The following CMTM8 variants were observed in gnomAD, a reference collection of about 807,000 sequenced individuals.
CMTM8 encodes CKLF-like MARVEL transmembrane domain-containing protein 8.
A neutral mutation model predicts 18.6 loss-of-function variants in CMTM8; 12 were observed. The observed-to-expected ratio is 0.65, with a 90% CI of 0.41 to 1.05. The LOEUF (loss-of-function observed/expected upper bound fraction) is 1.05, where lower values mean the gene tolerates loss of function less well. CMTM8 is among the 50% of genes least tolerant of loss of function. The probability of loss-of-function intolerance (pLI) is 0.00; values close to 1 mark genes in which losing one functional copy is unlikely to be tolerated. For synonymous variants in CMTM8, 87 were observed against 90.6 expected, an observed-to-expected ratio of 0.96 and a Z score of 0.23; for missense variants, 217 against 227.2, an observed-to-expected ratio of 0.95 and a Z score of 0.29.
intron 1 of CMTM8, among the ~76,000 whole-genome samples, chr3:32,296,529 C>G (rs1321005087): frequency 6.6e-6 from 1 of 152,148 alleles, no homozygotes; most frequent in Non-Finnish European, 1.5e-5. Context: ...ATCTTGTTTC[C>G]CTTTGCCACT....
At chr3:32,350,252 C>T (rs1696678825) in intron 1 of CMTM8, among the ~76,000 whole-genome samples, 1 of 151,826 alleles carries the variant, frequency 6.6e-6, no homozygotes, top group African/African-American at 2.4e-5. Flanking sequence ...TCTTTTTAGA[C>T]TTTGCAGTGA....
chr3:32,272,656 T>C (rs1702455627), intron 1 of CMTM8, among the ~76,000 whole-genome samples: 1 of 152,234 alleles, frequency 6.6e-6, no homozygotes, highest in Admixed American at 6.5e-5. Context: ...CTGTGTTCTT[T>C]ATGGCCTACA....
intron 1 of CMTM8, among the ~76,000 whole-genome samples, chr3:32,286,229 A>T (rs147341990): frequency 2.0e-5 from 3 of 152,358 alleles, no homozygotes; most frequent in African/African-American, 7.2e-5. Context: ...TGCATTTAAA[A>T]ATGCAACTTA....
chr3:32,345,049 A>G (rs934626140), intron 1 of CMTM8, among the ~76,000 whole-genome samples: 13 of 152,178 alleles, frequency 8.5e-5, no homozygotes, highest in Non-Finnish European at 1.8e-4. Flanking sequence ...AATTAAAAAA[A>G]TTTCTTCAGG....
At chr3:32,317,843 C>A (rs913230291) in intron 1 of CMTM8, among the ~76,000 whole-genome samples, 1 of 152,072 alleles carries the variant, frequency 6.6e-6, no homozygotes, top group African/African-American at 2.4e-5. Context: ...ATCATGAGGT[C>A]AGGAGTTCAA....
intron 1 of CMTM8, among the ~76,000 whole-genome samples, chr3:32,282,083 C>T (rs138752342): frequency 8.5e-5 from 13 of 152,206 alleles, no homozygotes; most frequent in Non-Finnish European, 1.6e-4. Context: ...CCCCTGGATC[C>T]CAGATTTGTA....
At chr3:32,310,873 GCTTTT>G (rs1379909660) in intron 1 of CMTM8, among the ~76,000 whole-genome samples, 2 of 152,146 alleles carry the variant, frequency 1.3e-5, no homozygotes, top group African/African-American at 4.8e-5. Context: ...TATAATTTTT[GCTTTT>G]CTTTCTGGAC....
chr3:32,294,005 G>C (rs1702829072), intron 1 of CMTM8, among the ~76,000 whole-genome samples: 1 of 152,140 alleles, frequency 6.6e-6, no homozygotes, highest in Non-Finnish European at 1.5e-5. Context: ...ATCTCATTTT[G>C]GTGGCCACCT....
intron 1 of CMTM8, among the ~76,000 whole-genome samples, chr3:32,261,353 T>G (rs1332617829): frequency 1.3e-5 from 2 of 152,116 alleles, no homozygotes; most frequent in Admixed American, 1.3e-4. Context: ...TTTAAACAAA[T>G]GATCAATTAT....
intron 1 of CMTM8, among the ~76,000 whole-genome samples, chr3:32,280,846 C>G (rs1487982823): frequency 1.5e-5 from 1 of 68,172 alleles, no homozygotes; most frequent in Non-Finnish European, 2.6e-5. Flanking sequence ...AGAAAATAGG[C>G]AAAAAAAAAA....
intron 1 of CMTM8, among the ~76,000 whole-genome samples, chr3:32,278,274 C>T (rs1000431110): frequency 6.6e-6 from 1 of 152,168 alleles, no homozygotes; most frequent in Non-Finnish European, 1.5e-5. Flanking sequence ...GAAATGTGGT[C>T]CTCATCTACG....
At chr3:32,259,320 A>G (rs1257022608) in intron 1 of CMTM8, 1 of 719,462 alleles carries the variant, frequency 1.4e-6, no homozygotes, top group South Asian at 1.4e-5. Flanking sequence ...AGACTGGGCC[A>G]TTACTTCAAG....
intron 1 of CMTM8, chr3:32,259,337 A>G (rs1179981938): frequency 2.7e-6 from 2 of 741,882 alleles, no homozygotes; most frequent in Non-Finnish European, 5.0e-6. Flanking sequence ...CAAGACCATC[A>G]AAGACCTGAG....
At position 32,338,277 on chromosome 3, in the gene CMTM8, C is replaced by T. The variant is rs188404759; in HGVS notation, c.148-19096C>T. On this transcript the variant is annotated intron_variant, in intron 1 of 3. Coordinates refer to ENST00000307526, the MANE Select transcript of CMTM8 (RefSeq NM_178868.5). ...GATTACAGGTGTAAGCCACCGTGCC[C>T]GGCCTGGCCTTTTACAGTAAAAGCA... 7.2e-5 allele frequency among the ~76,000 whole-genome samples: 11 copies of T among 152,188 alleles called. 1 individual carries two copies. Among genetic ancestry groups the T allele is most frequent in the Admixed American group, 7.2e-4 (11 of 15,278 alleles).
At chr3:32,330,015 A>C (rs899028717) in intron 1 of CMTM8, among the ~76,000 whole-genome samples, 3 of 151,966 alleles carry the variant, frequency 2.0e-5, no homozygotes, top group Admixed American at 2.0e-4. Context: ...AAAAAGAATA[A>C]AACACTTAGG....
chr3:32,239,142 T>G (rs1575141291), intron 1 of CMTM8, 23 bp downstream of exon 1: 1 of 1,579,170 alleles, frequency 6.3e-7, no homozygotes, highest in Non-Finnish European at 8.6e-7. Context: ...GGGCCGGGGG[T>G]GGCGGGGGGC....
At chr3:32,265,643 C>A (rs1228489162) in intron 1 of CMTM8, among the ~76,000 whole-genome samples, 1 of 151,206 alleles carries the variant, frequency 6.6e-6, no homozygotes, top group Non-Finnish European at 1.5e-5. Flanking sequence ...AAAAACCCTT[C>A]AAAAAATCAA....
At chr3:32,280,981 T>TTC (rs35297795) in intron 1 of CMTM8, among the ~76,000 whole-genome samples, 37,194 of 151,778 alleles carry the variant, frequency 0.25, 4,716 homozygotes, top group Admixed American at 0.32. Flanking sequence ...AGAAGTGGGA[T>TTC]TCACACCAGA....
intron 1 of CMTM8, among the ~76,000 whole-genome samples, chr3:32,313,846 A>G (rs62243327): frequency 0.3 from 45,580 of 152,084 alleles, 7,808 homozygotes; most frequent in South Asian, 0.45. Context: ...CACGACCAGG[A>G]AAGATTAGGC....
Sources: allele counts gnomAD v4.1 joint callset (sites outside exome capture counted in the v4.1 genomes callset), GRCh38; gene constraint gnomAD v4.1.1; transcripts MANE v1.5; gene names NCBI Gene and HGNC (gene_info 2026-07-23, HGNC 2026-07-21).